Variants in CRTC1 observed in about 807,000 individuals in gnomAD.
CRTC1 encodes the protein CREB-regulated transcription coactivator 1.
A neutral mutation model predicts 66.1 loss-of-function variants in CRTC1; 18 were observed. The ratio of observed to expected loss-of-function variants is 0.27; its 90% CI spans 0.19 to 0.40. CRTC1 has a LOEUF of 0.40. CRTC1 is among the 10% of genes least tolerant of loss of function. The pLI, the probability that CRTC1 is intolerant of heterozygous loss-of-function variation, is 1.00. For missense variants in CRTC1, 669 were observed against 887.9 expected (o/e 0.75, Z 3.13); for synonymous variants, 416 against 398.8 (o/e 1.04, Z -0.51).
At position 18,768,772 on chromosome 19, in the gene CRTC1, G is replaced by A. The variant is rs763361838; in HGVS notation, c.1299G>A (p.Ser433=). The change falls in exon 10 of 14, where the codon TCG becomes TCA. Residue 433 remains serine, a synonymous_variant. Transcript: ENST00000321949. This position sits in a 1 kb window ranked among gnomAD's most constrained non-coding sequence, Gnocchi z 5.6. ...CCCCAGAGAACCCTGGCCAGCCATCGATGGGGATCGACATCGCCTCGGTAA... is the reference window on the plus strand; with the variant it reads ...CCCCAGAGAACCCTGGCCAGCCATCAATGGGGATCGACATCGCCTCGGTAA... ...QSPPENPGQP[S]MGIDIASAPA... The A allele has an allele frequency of 5.6e-6, 9 of 1,602,198 alleles. No individual in the cohort carries two copies. Among genetic ancestry groups the A allele is most frequent in the South Asian group, 2.3e-5 (2 of 88,742 alleles).
At chr19:18,761,707 G>A (rs928738022) in intron 8 of CRTC1, among the ~76,000 whole-genome samples, 1 of 152,176 alleles carries the variant, frequency 6.6e-6, no homozygotes, top group Non-Finnish European at 1.5e-5. Context: ...GAGCTGGGTT[G>A]ATGCAGGGAG....
At chr19:18,772,922 C>G (rs2054902699) in intron 11 of CRTC1, among the ~76,000 whole-genome samples, 1 of 152,138 alleles carries the variant, frequency 6.6e-6, no homozygotes, top group Non-Finnish European at 1.5e-5. Context: ...GGTGGGCAGC[C>G]CAGGTGGGGC....
intron 8 of CRTC1, 81 bp from the exon 9 acceptor site, chr19:18,765,323 G>A (rs2054704259): frequency 6.5e-7 from 1 of 1,531,094 alleles, no homozygotes; most frequent in Non-Finnish European, 8.8e-7. Context: ...TTCCCATGCA[G>A]TGTGACTGTG....
At position 18,771,486 on chromosome 19, in the gene CRTC1, C is replaced by G; in HGVS notation, c.1365C>G (p.Ala455=). 1 of 1,613,712 alleles carries G rather than the reference C, an allele frequency of 6.2e-7. No homozygotes were observed. Among genetic ancestry groups the G allele is most frequent in the Non-Finnish European group, 8.5e-7 (1 of 1,179,796 alleles). ...ACCGCACTAGCGCCGGCTCCCCGGC[C>G]AACCAGTCTCCCACCTCGCCAGTCT... The part of the protein sequence containing the change: ...QQYRTSAGSP[A]NQSPTSPVSN... Residue 455 remains alanine (A), a synonymous_variant, in exon 11 of 14, where the codon GCC becomes GCG. Transcript: ENST00000321949. The surrounding 1 kb of genome is among the most constrained non-coding windows in gnomAD (Gnocchi z 4.6).
intron 1 of CRTC1, among the ~76,000 whole-genome samples, chr19:18,740,799 T>A (rs1313692902): frequency 6.6e-6 from 1 of 151,570 alleles, no homozygotes; most frequent in Non-Finnish European, 1.5e-5. Flanking sequence ...AGGTCAGGAG[T>A]TTGAGACCAG....
intron 1 of CRTC1, among the ~76,000 whole-genome samples, chr19:18,712,098 G>T (rs1293629296): frequency 6.6e-6 from 1 of 151,740 alleles, no homozygotes; most frequent in East Asian, 1.9e-4. Flanking sequence ...GTGCCACCAT[G>T]GCCAGCTAAT....
At chr19:18,722,256 C>G (rs1037162874) in intron 1 of CRTC1, among the ~76,000 whole-genome samples, 2 of 152,182 alleles carry the variant, frequency 1.3e-5, no homozygotes, top group Non-Finnish European at 2.9e-5. Flanking sequence ...GAGAGGAGAC[C>G]TGGGGTGTGG....
intron 1 of CRTC1, among the ~76,000 whole-genome samples, chr19:18,689,923 G>T (rs2052788838): frequency 6.6e-6 from 1 of 151,960 alleles, no homozygotes; most frequent in Admixed American, 6.6e-5. Flanking sequence ...GTCTCAGGAG[G>T]ATAGCTGTGG....
rs1425961819 is a variant in CRTC1 at position 18,737,197 on chromosome 19, G to T, written c.127-5713G>T. On this transcript the variant is annotated intron_variant, in intron 1 of 13. Coordinates refer to ENST00000321949, the MANE Select transcript of CRTC1 (RefSeq NM_015321.3). ...CAGGGCGAGGGTCCTGTCAGCAAGG[G>T]GTGGGGGTCAGCGGAGGCCTGAGAA... 2.0e-5 allele frequency among the ~76,000 whole-genome samples: 3 copies of T among 151,974 alleles called. No individual in the cohort carries two copies. In the South Asian group the frequency reaches 6.2e-4, roughly 32 times the overall value.
intron 11 of CRTC1, 60 bp from the exon 12 acceptor site, chr19:18,774,840 G>A (rs2054946878): frequency 1.3e-6 from 2 of 1,543,682 alleles, no homozygotes; most frequent in Non-Finnish European, 1.8e-6. Context: ...GGCTTGGGAG[G>A]TGCCGACTTC....
intron 1 of CRTC1, among the ~76,000 whole-genome samples, chr19:18,723,043 C>T (rs911378503): frequency 6.6e-6 from 1 of 151,946 alleles, no homozygotes; most frequent in Non-Finnish European, 1.5e-5. Flanking sequence ...TGGGTTCAAG[C>T]GATTCTTCTG....
At chr19:18,764,584 G>A (rs2054687536) in intron 8 of CRTC1, among the ~76,000 whole-genome samples, 1 of 152,220 alleles carries the variant, frequency 6.6e-6, no homozygotes, top group Non-Finnish European at 1.5e-5. Context: ...CGGGGCCGGG[G>A]TGAGGGAAGG....
chr19:18,774,416 G>C (rs931589437), intron 11 of CRTC1, among the ~76,000 whole-genome samples: 1 of 152,244 alleles, frequency 6.6e-6, no homozygotes, highest in Non-Finnish European at 1.5e-5. Flanking sequence ...TGCTCTCTCA[G>C]CTGGTGGCTG....
At chr19:18,725,207 T>C (rs10414885) in intron 1 of CRTC1, among the ~76,000 whole-genome samples, 4,991 of 152,252 alleles carry the variant, frequency 0.033, 262 homozygotes, top group African/African-American at 0.11. Flanking sequence ...CTCATGGCAA[T>C]GCTGAGGGGG....
intron 4 of CRTC1, among the ~76,000 whole-genome samples, chr19:18,747,341 A>G (rs2054269328): frequency 1.3e-5 from 2 of 152,004 alleles, no homozygotes; most frequent in African/African-American, 2.4e-5. Context: ...AAAAAAAGAC[A>G]AAAACAAAAG....
At chr19:18,698,463 A>G (rs1036959403) in intron 1 of CRTC1, among the ~76,000 whole-genome samples, 1 of 148,032 alleles carries the variant, frequency 6.8e-6, no homozygotes, top group Admixed American at 6.7e-5. Context: ...CACAGTGTGT[A>G]CTCAGCAGGC....
chr19:18,704,679 T>C lies in CRTC1; in HGVS notation c.126+20851T>C, dbSNP rs1414760865. Among the ~76,000 whole-genome samples the C allele has an allele frequency of 2.0e-5, 3 of 152,336 alleles. No individual in the cohort carries two copies. The East Asian group carries it at 5.8e-4, about 29-fold the overall frequency. The stretch of plus-strand genomic sequence containing the variant: ...GTGAGCCATGATCGCACCACTGCAC[T>C]GCAGCCTGGGCAACAGAACAAGACC... On this transcript the variant is annotated intron_variant, in intron 1 of 13. Transcript: ENST00000321949.
intron 1 of CRTC1, among the ~76,000 whole-genome samples, chr19:18,702,286 C>T (rs1213434008): frequency 1.3e-5 from 2 of 150,714 alleles, no homozygotes; most frequent in Non-Finnish European, 2.9e-5. Flanking sequence ...GTGGTGTGAT[C>T]TTGGCTCACT....
intron 1 of CRTC1, among the ~76,000 whole-genome samples, chr19:18,688,390 C>A (rs1350334196): frequency 6.6e-6 from 1 of 152,066 alleles, no homozygotes; most frequent in Non-Finnish European, 1.5e-5. Flanking sequence ...GCTTGGATCT[C>A]CCCTGAGGGA....
Sources: gnomAD v4.1 joint callset for allele counts (sites outside exome capture counted in the v4.1 genomes callset) on GRCh38, gnomAD v4.1.1 for gene constraint, Gnocchi (gnomAD v3.1) non-coding constraint, MANE v1.5 for transcripts, NCBI Gene and HGNC (gene_info 2026-07-23, HGNC 2026-07-21) for gene names.